Variants in TNFAIP8 observed in about 807,000 individuals in gnomAD.
TNFAIP8 encodes TNF alpha induced protein 8, also known as tumor necrosis factor alpha-induced protein 8.
Under a neutral mutation model 13.3 loss-of-function variants are expected in TNFAIP8, and 7 were observed. That is an observed-to-expected ratio of 0.52 (90% CI 0.30 to 0.99). The LOEUF (loss-of-function observed/expected upper bound fraction) is 0.99. Among genes scored for constraint, TNFAIP8 ranks in the 50% least tolerant of loss-of-function variants. The pLI is 0.07. For synonymous variants in TNFAIP8, 94 were observed against 87.6 expected, an observed-to-expected ratio of 1.07 and a Z score of -0.41; for missense variants, 258 against 236.9, an observed-to-expected ratio of 1.09 and a Z score of -0.58.
chr5:119,331,495 CT>C, intron 1 of TNFAIP8, among the ~76,000 whole-genome samples: 1 of 152,230 alleles, frequency 6.6e-6, no homozygotes, highest in Admixed American at 6.5e-5. Flanking sequence ...AGATGCTTTG[CT>C]TTTTGTTCTC....
At chr5:119,294,301 G>GT (rs34302041) in intron 1 of TNFAIP8, among the ~76,000 whole-genome samples, 21,117 of 150,972 alleles carry the variant, frequency 0.14, 1,971 homozygotes, top group Non-Finnish European at 0.21. Context: ...GCGGTGTTTG[G>GT]TTTTTTGTCC....
intron 1 of TNFAIP8, among the ~76,000 whole-genome samples, chr5:119,300,239 A>G (rs115690690): frequency 6.6e-6 from 1 of 152,328 alleles, no homozygotes; most frequent in African/African-American, 2.4e-5. Flanking sequence ...GCTGTTCCTA[A>G]TCAGCCATCT....
intron 1 of TNFAIP8, chr5:119,391,311 G>C (rs971040110): frequency 1.4e-6 from 1 of 696,686 alleles, no homozygotes; most frequent in Non-Finnish European, 2.6e-6. Context: ...GTATGTATCT[G>C]TATTTTTAAA....
intron 1 of TNFAIP8, chr5:119,333,529 G>A (rs11959659): frequency 0.072 from 110,325 of 1,533,812 alleles, 4,966 homozygotes; most frequent in African/African-American, 0.2. Flanking sequence ...TAGTGTACAC[G>A]TCAACAGGGT....
intron 1 of TNFAIP8, among the ~76,000 whole-genome samples, chr5:119,372,917 C>A (rs1489571086): frequency 3.9e-5 from 6 of 151,942 alleles, no homozygotes; most frequent in Non-Finnish European, 4.4e-5. Context: ...GCCAAGATGG[C>A]GCCACTTCAC....
At chr5:119,312,744 A>AC (rs1163468810) in intron 1 of TNFAIP8, among the ~76,000 whole-genome samples, 1 of 141,388 alleles carries the variant, frequency 7.1e-6, no homozygotes, top group Non-Finnish European at 1.5e-5. Flanking sequence ...TGCAAAAAAT[A>AC]CAAAAAAAAA....
chr5:119,312,125 T>C (rs1451416957), intron 1 of TNFAIP8, among the ~76,000 whole-genome samples: 2 of 152,170 alleles, frequency 1.3e-5, no homozygotes, highest in Non-Finnish European at 2.9e-5. Context: ...GGCATGCTTA[T>C]TTGGTATTTA....
intron 1 of TNFAIP8, among the ~76,000 whole-genome samples, chr5:119,317,779 T>C (rs1399368778): frequency 6.6e-6 from 1 of 152,000 alleles, no homozygotes; most frequent in Non-Finnish European, 1.5e-5. Flanking sequence ...TTAATTTTCG[T>C]AGAGACGGGG....
intron 1 of TNFAIP8, among the ~76,000 whole-genome samples, chr5:119,312,745 CAAAAAAA>C (rs869226026): frequency 5.5e-4 from 24 of 43,364 alleles, no homozygotes; most frequent in African/African-American, 1.3e-3. Flanking sequence ...GCAAAAAATA[CAAAAAAA>C]AAAAAAAAAA....
Position 119,393,395 on chromosome 5 carries a change from G to T in TNFAIP8, c.*14G>T. The T allele has an allele frequency of 6.3e-7, 1 of 1,591,870 alleles. No homozygotes were observed. Among genetic ancestry groups the T allele is most frequent in the South Asian group, 1.1e-5 (1 of 89,220 alleles). On this transcript the variant is annotated 3_prime_UTR_variant, in exon 2 of 2. Transcript: ENST00000504771. ...GAGAACATATGAGCACATGAGTTAA[G>T]ATTGTGACTGATCATGATTTATTTG...
At chr5:119,321,178 C>T (rs986677540) in intron 1 of TNFAIP8, among the ~76,000 whole-genome samples, 2 of 152,172 alleles carry the variant, frequency 1.3e-5, no homozygotes, top group Non-Finnish European at 2.9e-5. Context: ...GATCGAGCCA[C>T]TGCACTCCAG....
intron 1 of TNFAIP8, among the ~76,000 whole-genome samples, chr5:119,372,136 CAA>C (rs762344189): frequency 2.4e-5 from 3 of 126,322 alleles, no homozygotes; most frequent in African/African-American, 2.9e-5. Context: ...GACTCCATCT[CAA>C]AAAAAAAAAA....
chr5:119,277,868 G>T (rs760117376), intron 1 of TNFAIP8, among the ~76,000 whole-genome samples: 12 of 152,176 alleles, frequency 7.9e-5, no homozygotes, highest in Non-Finnish European at 1.8e-4. Flanking sequence ...GATGAGATGG[G>T]AGGTGGAGGG....
intron 1 of TNFAIP8, among the ~76,000 whole-genome samples, chr5:119,294,972 T>C (rs1749122089): frequency 6.6e-6 from 1 of 151,944 alleles, no homozygotes; most frequent in Non-Finnish European, 1.5e-5. Context: ...TTGCGAAAAT[T>C]TTCTCCCATT....
rs113256177 is a variant in TNFAIP8 at position 119,359,556 on chromosome 5, C to CAA, written c.31+3446_31+3447dup. ...TCCATTCTTTAAAGTTAATCCTTGG[C>CAA]AAAAAAAAAAAAGTTTAGTTGTTCC... On this transcript the variant is annotated intron_variant, in intron 1 of 1. Coordinates refer to ENST00000504771, the MANE Select transcript of TNFAIP8 (RefSeq NM_014350.4). Among the ~76,000 whole-genome samples the CAA allele has an allele frequency of 9.7e-3, 1,382 of 141,896 alleles. 23 individuals carry two copies. The highest frequency in any genetic ancestry group is 0.029 in the African/African-American group (1,111 of 38,624). 93.1% of individuals were successfully genotyped at this position (141,896 alleles called of 152,430 possible). A position where few individuals can be genotyped will look rare whatever the true frequency, so the allele number is the denominator to read the frequency against.
chr5:119,336,645 C>T (rs1172216695), intron 1 of TNFAIP8, among the ~76,000 whole-genome samples: 1 of 152,186 alleles, frequency 6.6e-6, no homozygotes, highest in Non-Finnish European at 1.5e-5. Context: ...GCACAAGAAC[C>T]TACAGTCTCA....
At chr5:119,342,425 T>G (rs1239739135) in intron 1 of TNFAIP8, among the ~76,000 whole-genome samples, 2 of 152,234 alleles carry the variant, frequency 1.3e-5, no homozygotes, top group Non-Finnish European at 2.9e-5. Context: ...TCACCCTGCT[T>G]CCCCGTATTT....
chr5:119,368,369 G>T, intron 1 of TNFAIP8, among the ~76,000 whole-genome samples: 1 of 135,352 alleles, frequency 7.4e-6, no homozygotes, highest in South Asian at 2.1e-4. Flanking sequence ...TTTCCCTCCT[G>T]TCTGTTAAAA....
intron 1 of TNFAIP8, among the ~76,000 whole-genome samples, chr5:119,296,796 AT>A (rs1239004985): frequency 6.6e-6 from 1 of 151,950 alleles, no homozygotes; most frequent in East Asian, 1.9e-4. Flanking sequence ...TATTGCCACA[AT>A]TTCAGAGCCT....
Sources: allele counts gnomAD v4.1 joint callset (sites outside exome capture counted in the v4.1 genomes callset), GRCh38; gene constraint gnomAD v4.1.1; transcripts MANE v1.5; gene names NCBI Gene and HGNC (gene_info 2026-07-23, HGNC 2026-07-21).